C5AR2: variants seen among roughly 807,000 people sequenced by gnomAD.
The protein encoded by C5AR2 is C5a anaphylatoxin chemotactic receptor 2.
For missense variants in C5AR2, 458 were observed against 467.5 expected (o/e 0.98, Z 0.19); for synonymous variants, 224 against 216.5 (o/e 1.03, Z -0.30).
chr19:47,340,665 C>A (rs1968997445), intron 1 of C5AR2, 120 bp from the exon 2 acceptor site: 2 of 872,516 alleles, frequency 2.3e-6, no homozygotes, highest in South Asian at 1.4e-5. Context: ...GCACTGGAGT[C>A]CTTATGACGC....
chr19:47,332,751 T>A (rs975840730), intron 1 of C5AR2, among the ~76,000 whole-genome samples: 6 of 151,794 alleles, frequency 4.0e-5, no homozygotes, highest in African/African-American at 1.2e-4. Flanking sequence ...ATGGGGTTTC[T>A]CCATGTTGGT....
At chr19:47,334,449 A>C (rs2059349805) in intron 1 of C5AR2, among the ~76,000 whole-genome samples, 1 of 135,096 alleles carries the variant, frequency 7.4e-6, no homozygotes, top group Admixed American at 8.0e-5. Flanking sequence ...TGGGCAACAG[A>C]GTAAGGGCTG....
At chr19:47,336,333 G>A (rs959274484) in intron 1 of C5AR2, among the ~76,000 whole-genome samples, 3 of 150,970 alleles carry the variant, frequency 2.0e-5, no homozygotes, top group Non-Finnish European at 4.4e-5. Context: ...CAAGTGATCC[G>A]CCCACCTCGG....
intron 1 of C5AR2, among the ~76,000 whole-genome samples, chr19:47,335,386 G>C (rs191467737): frequency 8.5e-5 from 13 of 152,084 alleles, no homozygotes; most frequent in African/African-American, 3.1e-4. Context: ...TATGTTGAAA[G>C]CTCCCATTTC....
rs1331379303 is a variant in C5AR2 at position 47,345,147 on chromosome 19, G to GT, written c.*3336dup. On this transcript the variant is annotated 3_prime_UTR_variant, in exon 2 of 2. Transcript: ENST00000595464. ...CTCAGCCTTATTTCACCCAGCTCCT[G>GT]TTCAAGATGGAGTCACTCTGGTTCA... 2 of 152,946 alleles carry GT rather than the reference G, an allele frequency of 1.3e-5. No homozygotes were observed. The highest frequency in any genetic ancestry group is 4.8e-5 in the African/African-American group (2 of 41,570). The allele number at this position is 152,946 out of a possible 1,614,324, so 9.5% of individuals were successfully genotyped here.
rs1489452554 is a variant in C5AR2, at chr19:47,341,343, G to C, written c.544G>C (p.Ala182Pro). Residue 182 changes from alanine (A) to proline (P), a missense_variant, in exon 2 of 2, where the codon GCC (alanine) becomes CCC (proline). Ala to Pro is a conservative substitution (Grantham distance 27). Transcript: ENST00000595464. This position sits in a 1 kb window ranked among gnomAD's most constrained non-coding sequence, Gnocchi z 4.6. ...YRRLHQEHFPARLQCVVDYGG... is the reference protein window; with the variant it reads ...YRRLHQEHFPPRLQCVVDYGG... ...CCGGCTGCACCAGGAGCACTTCCCA[G>C]CCCGGCTGCAGTGTGTGGTGGACTA... 6 of 1,611,926 alleles carry C rather than the reference G, an allele frequency of 3.7e-6. No homozygotes were observed. The Admixed American group carries it at 1.0e-4, about 27-fold the overall frequency.
In C5AR2 at chr19:47,345,359, T is replaced by G. The variant is rs904229214; in HGVS notation, c.*3546T>G. On this transcript the variant is annotated 3_prime_UTR_variant, in exon 2 of 2. Transcript: ENST00000595464. The stretch of plus-strand genomic sequence containing the variant: ...CTCAGTCAGAAAGCACTGGTATCAC[T>G]TTTTTTTTTTTTTTTTTTTTTTGAG... 6.8e-5 allele frequency: 5 copies of G among 73,818 alleles called. No individual in the cohort carries two copies. The highest frequency in any genetic ancestry group is 2.1e-4 in the African/African-American group (3 of 13,992). 4.6% of individuals were successfully genotyped at this position (73,818 alleles called of 1,614,324 possible).
intron 1 of C5AR2, 127 bp from the exon 2 acceptor site, chr19:47,340,658 C>G: frequency 3.6e-6 from 3 of 831,236 alleles, no homozygotes; most frequent in East Asian, 5.2e-5. Flanking sequence ...TTCTAAAGCA[C>G]TGGAGTCCTT....
chr19:47,341,155 A>G lies in C5AR2; in HGVS notation c.356A>G (p.Tyr119Cys). The change falls in exon 2 of 2, where the codon TAT becomes TGT. Residue 119 changes from tyrosine (Y) to cysteine (C), a missense_variant. Tyr to Cys is a radical substitution (Grantham distance 194). Coordinates refer to ENST00000595464, the MANE Select transcript of C5AR2 (RefSeq NM_001271749.2). This position sits in a 1 kb window ranked among gnomAD's most constrained non-coding sequence, Gnocchi z 4.6. Reference sequence around the variant, plus strand: ...CCCTCCATCATCCTGCTGACCATGTATGCCAGCGTCCTGCTCCTGGCAGCT... The same window carrying G: ...CCCTCCATCATCCTGCTGACCATGTGTGCCAGCGTCCTGCTCCTGGCAGCT... ...ALPSIILLTM[Y>C]ASVLLLAALS... 1 of 1,601,190 alleles carries G rather than the reference A, an allele frequency of 6.2e-7. No homozygotes were observed. Among genetic ancestry groups the G allele is most frequent in the Non-Finnish European group, 8.5e-7 (1 of 1,179,832 alleles).
In C5AR2 at chr19:47,341,475, TG is replaced by T. The variant is rs1183545043; in HGVS notation, c.679del (p.Ala227GlnfsTer85). On this transcript the variant is annotated frameshift_variant, in exon 2 of 2. Transcript: ENST00000595464. LOFTEE classifies it low-confidence loss of function (END_TRUNC). This position sits in a 1 kb window ranked among gnomAD's most constrained non-coding sequence, Gnocchi z 4.6. ...CAGCTGCCACAGTGCCCTCCTGTGC[TG>T]GGCAGCCCGACGCTGCCGGCCGCTG... Reference protein sequence around the residue: ...VASCHSALLCWAARRCRPLGT... With the variant: ...VASCHSALLCXAARRCRPLGT... The T allele has an allele frequency of 6.2e-7, 1 of 1,611,888 alleles. No individual in the cohort carries two copies. The highest frequency in any genetic ancestry group is 8.5e-7 in the Non-Finnish European group (1 of 1,179,822).
In C5AR2 at chr19:47,341,739, T is replaced by A. The variant is rs2122174236; in HGVS notation, c.940T>A (p.Ser314Thr). The A allele has an allele frequency of 6.2e-7, 1 of 1,613,044 alleles. No individual in the cohort carries two copies. The highest frequency in any genetic ancestry group is 2.2e-5 in the East Asian group (1 of 44,854). Residue 314 changes from serine (S) to threonine (T), a missense_variant, in exon 2 of 2, where the codon TCC becomes ACC. Transcript: ENST00000595464. This position sits in a 1 kb window ranked among gnomAD's most constrained non-coding sequence, Gnocchi z 4.6. ...PAACHWALRE[S>T]QGQDESVDSK... ...TGCCTGTCACTGGGCCCTGAGGGAG[T>A]CCCAGGGCCAGGACGAAAGTGTGGA...
intron 1 of C5AR2, among the ~76,000 whole-genome samples, chr19:47,336,509 CTTT>C (rs1454607588): frequency 1.1e-5 from 1 of 91,046 alleles, no homozygotes; most frequent in South Asian, 3.7e-4. Flanking sequence ...TTCTTTCTTT[CTTT>C]TTCTTTCTTT....
rs1241762416 is a variant in C5AR2, at chr19:47,336,433, T to TTTCC, written c.-16+4139_-16+4142dup. Reference sequence around the variant, plus strand: ...AAATGCTGTACTCTTTCTTTCTTTCTTTCCTTCCTTCCTTCCTTCCTTCCT... The same window carrying TTTCC: ...AAATGCTGTACTCTTTCTTTCTTTCTTTCCTTCCTTCCTTCCTTCCTTCCTTCCT... On this transcript the variant is annotated intron_variant, in intron 1 of 1. Coordinates refer to ENST00000595464, the MANE Select transcript of C5AR2 (RefSeq NM_001271749.2). 8.1e-4 allele frequency among the ~76,000 whole-genome samples: 104 copies of TTTCC among 128,948 alleles called. 1 individual carries two copies. Among genetic ancestry groups the TTTCC allele is most frequent in the Middle Eastern group, 3.9e-3 (1 of 258 alleles). The allele number at this position is 128,948 out of a possible 152,430, so 84.6% of individuals were successfully genotyped here. A position where few individuals can be genotyped will look rare whatever the true frequency, so the allele number is the denominator to read the frequency against.
At chr19:47,334,341 A>G (rs1460854122) in intron 1 of C5AR2, among the ~76,000 whole-genome samples, 2 of 152,042 alleles carry the variant, frequency 1.3e-5, no homozygotes, top group Admixed American at 1.3e-4. Flanking sequence ...CTATCAACCC[A>G]TCGTAAGGCT....
chr19:47,338,656 AAATAATAATAATAAT>A (rs34869990), intron 1 of C5AR2, among the ~76,000 whole-genome samples: 55 of 131,694 alleles, frequency 4.2e-4, no homozygotes, highest in Non-Finnish European at 7.2e-4. Flanking sequence ...ATGACCTCCA[AAATAATAATAATAAT>A]AATAATAATA....
In C5AR2 at chr19:47,341,249, G is replaced by C. The variant is rs745954955; in HGVS notation, c.450G>C (p.Gly150=). ...AWWSTVQRAC[G]VQVACGAAWT... is the part of the protein sequence containing the mutation. ...GGTCTACGGTTCAGCGGGCGTGCGG[G>C]GTGCAGGTGGCCTGTGGGGCAGCCT... Residue 150 remains glycine, a synonymous_variant, in exon 2 of 2, where the codon GGG becomes GGC. Coordinates refer to ENST00000595464, the MANE Select transcript of C5AR2 (RefSeq NM_001271749.2). This position sits in a 1 kb window ranked among gnomAD's most constrained non-coding sequence, Gnocchi z 4.6. The C allele has an allele frequency of 1.9e-6, 3 of 1,603,016 alleles. No individual in the cohort carries two copies. The highest frequency in any genetic ancestry group is 2.5e-6 in the Non-Finnish European group (3 of 1,179,862).
intron 1 of C5AR2, among the ~76,000 whole-genome samples, chr19:47,334,911 G>T (rs2059351673): frequency 6.6e-6 from 1 of 150,410 alleles, no homozygotes; most frequent in Non-Finnish European, 1.5e-5. Context: ...TTGAGATGGA[G>T]TCTCACTCTG....
In C5AR2 at chr19:47,341,045, G is replaced by A. The variant is rs1360481451; in HGVS notation, c.246G>A (p.Leu82=). ...WLLHLAVADL[L]CCLSLPILAV... is the part of the protein sequence containing the mutation. ...TCCACCTGGCCGTGGCGGATTTGCT[G>A]TGCTGTTTGTCTCTGCCCATCCTGG... The change falls in exon 2 of 2, where the codon CTG becomes CTA. Residue 82 remains leucine, a synonymous_variant. Coordinates refer to ENST00000595464, the MANE Select transcript of C5AR2 (RefSeq NM_001271749.2). This position sits in a 1 kb window ranked among gnomAD's most constrained non-coding sequence, Gnocchi z 4.6. 6.2e-7 allele frequency: 1 copy of A among 1,606,768 alleles called. No homozygotes were observed. The highest frequency in any genetic ancestry group is 8.5e-7 in the Non-Finnish European group (1 of 1,179,930).
chr19:47,338,458 A>G (rs935451339), intron 1 of C5AR2, among the ~76,000 whole-genome samples: 2 of 150,498 alleles, frequency 1.3e-5, no homozygotes, highest in Admixed American at 1.3e-4. Context: ...AAAAAAAAAA[A>G]AAAGTTGACA....
Sources: gnomAD v4.1 joint callset for allele counts (sites outside exome capture counted in the v4.1 genomes callset) on GRCh38, gnomAD v4.1.1 for gene constraint, Gnocchi (gnomAD v3.1) non-coding constraint, MANE v1.5 for transcripts, NCBI Gene and HGNC (gene_info 2026-07-23, HGNC 2026-07-21) for gene names.